Variants in TRPC4 observed in about 807,000 individuals in gnomAD.
The protein encoded by TRPC4 is transient receptor potential cation channel subfamily C member 4, also known as short transient receptor potential channel 4.
TRPC4 carries 49 observed loss-of-function variants against 99.4 expected under a neutral mutation model. The ratio of observed to expected loss-of-function variants is 0.49; its 90% CI spans 0.39 to 0.63. TRPC4 has a LOEUF of 0.63. TRPC4 is among the 20% of genes least tolerant of loss of function. TRPC4 has a pLI of 0.00. For missense variants in TRPC4, 898 were observed against 1,152.9 expected (o/e 0.78, Z 3.20); for synonymous variants, 454 against 425.9 (o/e 1.07, Z -0.81).
intron 6 of TRPC4, among the ~76,000 whole-genome samples, chr13:37,657,209 A>G (rs1354802688): frequency 2.0e-5 from 3 of 152,232 alleles, no homozygotes; most frequent in African/African-American, 7.2e-5. Flanking sequence ...GAGAAAGGGC[A>G]CTGATCTGAT....
At chr13:37,714,128 C>G (rs1954582029) in intron 3 of TRPC4, among the ~76,000 whole-genome samples, 1 of 150,668 alleles carries the variant, frequency 6.6e-6, no homozygotes, top group African/African-American at 2.4e-5. Context: ...CTCTCTCTTT[C>G]CTTTCTTTTC....
chr13:37,678,750 G>C (rs1953140529), intron 4 of TRPC4, among the ~76,000 whole-genome samples: 1 of 152,042 alleles, frequency 6.6e-6, no homozygotes, highest in African/African-American at 2.4e-5. Flanking sequence ...TAAGAGGCAA[G>C]TATTACACTG....
At chr13:37,849,613 C>T (rs1011363460) in intron 1 of TRPC4, among the ~76,000 whole-genome samples, 1 of 152,196 alleles carries the variant, frequency 6.6e-6, no homozygotes, top group Non-Finnish European at 1.5e-5. Flanking sequence ...AATTTTCACT[C>T]AGACCGTCCA....
At chr13:37,765,719 T>C (rs892152287) in intron 2 of TRPC4, among the ~76,000 whole-genome samples, 6 of 151,482 alleles carry the variant, frequency 4.0e-5, no homozygotes, top group Non-Finnish European at 8.9e-5. Context: ...AGTTCCAATA[T>C]AAATGAAGGG....
chr13:37,831,429 G>C (rs1020199142), intron 1 of TRPC4, among the ~76,000 whole-genome samples: 7 of 152,162 alleles, frequency 4.6e-5, no homozygotes, highest in African/African-American at 1.2e-4. Flanking sequence ...CTCATACGCT[G>C]TTGTTGGGAA....
At chr13:37,782,887 A>G in intron 2 of TRPC4, 69 bp downstream of exon 2, 3 of 1,074,810 alleles carry the variant, frequency 2.8e-6, no homozygotes, top group African/African-American at 3.4e-5. Context: ...AAAAAAAAAA[A>G]GAAAGAAAAG....
chr13:37,658,026 G>A (rs777943802), intron 6 of TRPC4, among the ~76,000 whole-genome samples: 1 of 152,112 alleles, frequency 6.6e-6, no homozygotes, highest in Non-Finnish European at 1.5e-5. Flanking sequence ...TAAAAAATCA[G>A]TCTAAGTTAA....
chr13:37,642,948 T>A (rs1010504843), intron 8 of TRPC4, among the ~76,000 whole-genome samples: 7 of 152,102 alleles, frequency 4.6e-5, no homozygotes, highest in Non-Finnish European at 1.0e-4. Flanking sequence ...GTCAGGCTGA[T>A]CTCGAACTCC....
chr13:37,751,349 T>C (rs918255974), intron 2 of TRPC4, among the ~76,000 whole-genome samples: 1 of 151,732 alleles, frequency 6.6e-6, no homozygotes. Context: ...TATACACAAA[T>C]GTAGGAAAAT....
At chr13:37,663,757 A>G in intron 5 of TRPC4, 28 bp from the exon 6 acceptor site, 1 of 1,567,256 alleles carries the variant, frequency 6.4e-7, no homozygotes, top group Non-Finnish European at 8.7e-7. Flanking sequence ...ACAAAGGGAA[A>G]GTAAAACAAA....
chr13:37,683,075 GT>G (rs1953307576), intron 4 of TRPC4, among the ~76,000 whole-genome samples: 1 of 151,978 alleles, frequency 6.6e-6, no homozygotes. Context: ...GGACAGTGCA[GT>G]TTTTGTGCTA....
intron 8 of TRPC4, among the ~76,000 whole-genome samples, chr13:37,640,693 A>G (rs1312758319): frequency 6.6e-6 from 1 of 152,156 alleles, no homozygotes; most frequent in Non-Finnish European, 1.5e-5. Context: ...ACTCATATTG[A>G]GACATAGCTC....
At chr13:37,753,735 T>C (rs991248401) in intron 2 of TRPC4, among the ~76,000 whole-genome samples, 1 of 152,132 alleles carries the variant, frequency 6.6e-6, no homozygotes, top group African/African-American at 2.4e-5. Flanking sequence ...TTCCCTAATG[T>C]TCACTTGTCT....
In TRPC4 at chr13:37,653,057, T is replaced by C. The variant is rs373340129; in HGVS notation, c.1885-1598A>G. Among the ~76,000 whole-genome samples the C allele has an allele frequency of 2.6e-5, 4 of 152,256 alleles. No individual in the cohort carries two copies. The East Asian group carries it at 5.8e-4, about 22-fold the overall frequency. ...AGCCTGTTCTGCCTCCCATCAGTCC[T>C]GAGCTGCCTCCTATCTCCAACCCCA... On this transcript the variant is annotated intron_variant, in intron 7 of 10. Coordinates refer to ENST00000379705, the MANE Select transcript of TRPC4 (RefSeq NM_016179.4).
intron 1 of TRPC4, among the ~76,000 whole-genome samples, chr13:37,842,343 CAAAAAAAAAAAAAAA>C (rs57428116): frequency 6.4e-5 from 1 of 15,634 alleles, no homozygotes; most frequent in East Asian, 2.2e-3. Flanking sequence ...AGCGTCTAGC[CAAAAAAAAAAAAAAA>C]AAAAAAAAAA....
At chr13:37,710,715 ATCT>A (rs1954455004) in intron 3 of TRPC4, among the ~76,000 whole-genome samples, 1 of 151,866 alleles carries the variant, frequency 6.6e-6, no homozygotes, top group South Asian at 2.1e-4. Context: ...TTAGCTGATG[ATCT>A]TCTTTATGGG....
At chr13:37,648,234 C>G (rs895084658) in intron 8 of TRPC4, among the ~76,000 whole-genome samples, 5 of 152,132 alleles carry the variant, frequency 3.3e-5, no homozygotes, top group African/African-American at 1.2e-4. Context: ...AGCCGCCGCA[C>G]CCAGCGTTTC....
At chr13:37,795,171 TCA>T (rs1957215208) in intron 1 of TRPC4, among the ~76,000 whole-genome samples, 1 of 148,170 alleles carries the variant, frequency 6.7e-6, no homozygotes, top group Non-Finnish European at 1.5e-5. Context: ...TTTTACAAAT[TCA>T]CACATGTATT....
intron 1 of TRPC4, among the ~76,000 whole-genome samples, chr13:37,815,744 A>G (rs1051701865): frequency 2.6e-5 from 4 of 151,924 alleles, no homozygotes; most frequent in African/African-American, 9.7e-5. Context: ...CAGAACCTGA[A>G]CTTGACAGTT....
Sources: gnomAD v4.1 joint callset for allele counts (sites outside exome capture counted in the v4.1 genomes callset) on GRCh38, gnomAD v4.1.1 for gene constraint, MANE v1.5 for transcripts, NCBI Gene and HGNC (gene_info 2026-07-23, HGNC 2026-07-21) for gene names.